Variants in LRCH1 observed in about 807,000 individuals in gnomAD.
The protein encoded by LRCH1 is leucine rich repeats and calponin homology domain containing 1.
LRCH1 carries 23 observed loss-of-function variants against 94.9 expected under a neutral mutation model. The observed-to-expected ratio is 0.24, with a 90% confidence interval of 0.17 to 0.34. The LOEUF is 0.34. Among genes scored for constraint, LRCH1 ranks in the 10% least tolerant of loss-of-function variants. The probability of loss-of-function intolerance (pLI) is 1.00; values close to 1 mark genes in which losing one functional copy is unlikely to be tolerated. For missense variants in LRCH1, 790 were observed against 945.9 expected (o/e 0.84, Z 2.16); for synonymous variants, 364 against 354.9 (o/e 1.03, Z -0.29).
Position 46,744,880 on chromosome 13 carries a change from ACAAT to A in LRCH1, c.*3037_*3040del, listed in dbSNP as rs1377857126. On this transcript the variant is annotated 3_prime_UTR_variant, in exon 20 of 20. Transcript: ENST00000389797. ...GTATTTCAAAATTAGTTCTCAATAA[ACAAT>A]CAATTTGGTATATAGAATGTGCCCT... 1.8e-5 allele frequency: 18 copies of A among 984,688 alleles called. No individual in the cohort carries two copies. Among genetic ancestry groups the A allele is most frequent in the Non-Finnish European group, 2.2e-5 (18 of 829,608 alleles). 61.0% of individuals were successfully genotyped at this position (984,688 alleles called of 1,614,324 possible). A position where few individuals can be genotyped will look rare whatever the true frequency, so the allele number is the denominator to read the frequency against.
At chr13:46,602,718 C>T (rs1442674891) in intron 1 of LRCH1, among the ~76,000 whole-genome samples, 5 of 151,980 alleles carry the variant, frequency 3.3e-5, no homozygotes, top group Non-Finnish European at 2.9e-5. Flanking sequence ...TTTGGGAGGC[C>T]GAGTTGGGTG....
chr13:46,703,944 G>T (rs1284579768), intron 11 of LRCH1, among the ~76,000 whole-genome samples: 1 of 152,054 alleles, frequency 6.6e-6, no homozygotes, highest in African/African-American at 2.4e-5. Flanking sequence ...GATAGTGGAA[G>T]AAAACATTCC....
chr13:46,725,162 C>T (rs186184005), intron 17 of LRCH1, among the ~76,000 whole-genome samples: 9 of 152,194 alleles, frequency 5.9e-5, no homozygotes, highest in Non-Finnish European at 1.2e-4. Context: ...TGGGTATACA[C>T]GGACACAAAG....
At chr13:46,696,194 G>GTA (rs1215447666) in intron 9 of LRCH1, among the ~76,000 whole-genome samples, 3 of 117,836 alleles carry the variant, frequency 2.5e-5, no homozygotes, top group African/African-American at 1.3e-4. Context: ...ATGCATGTGT[G>GTA]TACACACACA....
chr13:46,681,172 C>A (rs148877617), intron 3 of LRCH1, among the ~76,000 whole-genome samples: 63 of 152,280 alleles, frequency 4.1e-4, no homozygotes, highest in African/African-American at 1.4e-3. Flanking sequence ...AGATTTCTAG[C>A]CTGTGGTGAA....
intron 1 of LRCH1, among the ~76,000 whole-genome samples, chr13:46,596,168 T>C (rs1043659682): frequency 6.6e-5 from 10 of 152,206 alleles, no homozygotes; most frequent in African/African-American, 2.2e-4. Context: ...AAAAATGTTT[T>C]TTTCCCTGGG....
At chr13:46,701,906 C>G (rs763602222) in intron 11 of LRCH1, among the ~76,000 whole-genome samples, 4 of 152,200 alleles carry the variant, frequency 2.6e-5, no homozygotes, top group Non-Finnish European at 4.4e-5. Flanking sequence ...ACGGGAATCA[C>G]ACGCAGCAAT....
chr13:46,691,771 C>T (rs535370873), intron 7 of LRCH1, among the ~76,000 whole-genome samples: 1 of 152,288 alleles, frequency 6.6e-6, no homozygotes, highest in South Asian at 2.1e-4. Flanking sequence ...CTCACTGCAA[C>T]CTCTGCCTCC....
intron 1 of LRCH1, among the ~76,000 whole-genome samples, chr13:46,621,962 G>A (rs1594292785): frequency 6.6e-6 from 1 of 152,074 alleles, no homozygotes; most frequent in East Asian, 1.9e-4. Flanking sequence ...ATAAGATACA[G>A]GCTTATTATG....
intron 15 of LRCH1, 99 bp from the exon 16 acceptor site, chr13:46,715,461 C>T (rs929622903): frequency 1.5e-6 from 1 of 674,928 alleles, no homozygotes; most frequent in East Asian, 2.7e-5. Context: ...TCTTCATTTC[C>T]ATGCAAACCC....
At chr13:46,582,714 TG>T (rs1334919013) in intron 1 of LRCH1, among the ~76,000 whole-genome samples, 2 of 136,382 alleles carry the variant, frequency 1.5e-5, no homozygotes, top group Admixed American at 8.1e-5. Context: ...TTGCCCAGGC[TG>T]GTCTTGAACT....
chr13:46,642,182 C>T (rs1156687584), intron 1 of LRCH1, among the ~76,000 whole-genome samples: 1 of 152,206 alleles, frequency 6.6e-6, no homozygotes, highest in Non-Finnish European at 1.5e-5. Flanking sequence ...AGGTCACTTA[C>T]TTTTAGTACA....
intron 1 of LRCH1, among the ~76,000 whole-genome samples, chr13:46,600,371 A>G (rs973505623): frequency 2.6e-5 from 4 of 152,162 alleles, no homozygotes; most frequent in African/African-American, 9.7e-5. Flanking sequence ...GGATTATTTC[A>G]AGCCAAGAAT....
chr13:46,614,466 A>G (rs531269755), intron 1 of LRCH1, among the ~76,000 whole-genome samples: 5 of 152,360 alleles, frequency 3.3e-5, no homozygotes, highest in Admixed American at 3.3e-4. Context: ...TAAGGAGAAA[A>G]TAAAGAAATG....
At chr13:46,554,848 G>A (rs1594239550) in intron 1 of LRCH1, among the ~76,000 whole-genome samples, 1 of 152,188 alleles carries the variant, frequency 6.6e-6, no homozygotes, top group Non-Finnish European at 1.5e-5. Context: ...CCTCTTGGCT[G>A]TCATCGCCTC....
intron 16 of LRCH1, among the ~76,000 whole-genome samples, chr13:46,716,115 T>G (rs1438253532): frequency 6.6e-6 from 1 of 152,090 alleles, no homozygotes; most frequent in Non-Finnish European, 1.5e-5. Flanking sequence ...GCATTGAAAA[T>G]AATGTTAACG....
At chr13:46,614,815 G>A (rs1451067530) in intron 1 of LRCH1, among the ~76,000 whole-genome samples, 1 of 152,164 alleles carries the variant, frequency 6.6e-6, no homozygotes, top group Admixed American at 6.5e-5. Flanking sequence ...ATATCACGGT[G>A]CAGTATCAAA....
chr13:46,556,844 A>G (rs1440909255), intron 1 of LRCH1, among the ~76,000 whole-genome samples: 1 of 152,208 alleles, frequency 6.6e-6, no homozygotes, highest in Non-Finnish European at 1.5e-5. Flanking sequence ...ACAAGAATGT[A>G]CTGAGCCCCT....
At chr13:46,733,141 C>T (rs1212998119) in intron 18 of LRCH1, among the ~76,000 whole-genome samples, 1 of 152,148 alleles carries the variant, frequency 6.6e-6, no homozygotes, top group Non-Finnish European at 1.5e-5. Context: ...ATCAGTCATG[C>T]GTCTTGCTTT....
Sources: allele counts gnomAD v4.1 joint callset (sites outside exome capture counted in the v4.1 genomes callset), GRCh38; gene constraint gnomAD v4.1.1; transcripts MANE v1.5; gene names NCBI Gene and HGNC (gene_info 2026-07-23, HGNC 2026-07-21).